The following GPBP1 variants were observed in gnomAD, a reference collection of about 807,000 sequenced individuals.
GPBP1 encodes GC-rich promoter binding protein 1.
In GPBP1, 13 loss-of-function variants were observed where a neutral mutation model predicts 56.5. The ratio of observed to expected loss-of-function variants is 0.23; its 90% CI spans 0.15 to 0.37. The LOEUF is 0.37. Ranked by LOEUF, GPBP1 falls within the 10% of genes least tolerant of loss-of-function variation. The probability of loss-of-function intolerance (pLI) is 1.00; values close to 1 mark genes in which losing one functional copy is unlikely to be tolerated. For synonymous variants in GPBP1, 204 were observed against 188.9 expected, an observed-to-expected ratio of 1.08 and a Z score of -0.66; for missense variants, 477 against 572.3, an observed-to-expected ratio of 0.83 and a Z score of 1.70.
At chr5:57,237,376 G>T (rs1427254246) in intron 6 of GPBP1, 2 of 512,282 alleles carry the variant, frequency 3.9e-6, no homozygotes, top group Non-Finnish European at 7.0e-6. Flanking sequence ...ATCCTGGGTT[G>T]ATTTAATAAT....
intron 6 of GPBP1, among the ~76,000 whole-genome samples, chr5:57,239,917 T>C (rs1314345480): frequency 6.6e-6 from 1 of 152,082 alleles, no homozygotes; most frequent in Non-Finnish European, 1.5e-5. Context: ...GTCTTTGCAT[T>C]TGGTCTGTGT....
At chr5:57,226,417 G>A (rs913365106) in intron 3 of GPBP1, among the ~76,000 whole-genome samples, 3 of 152,094 alleles carry the variant, frequency 2.0e-5, no homozygotes, top group Admixed American at 1.3e-4. Context: ...TTTTGTTCTA[G>A]TCTCTGTCAG....
intron 3 of GPBP1, among the ~76,000 whole-genome samples, chr5:57,230,415 G>A (rs925122947): frequency 6.6e-6 from 1 of 152,128 alleles, no homozygotes; most frequent in African/African-American, 2.4e-5. Context: ...TTGGTTTGGG[G>A]AAGAGGAATA....
chr5:57,251,665 C>T (rs1741400183), intron 10 of GPBP1, among the ~76,000 whole-genome samples: 1 of 147,262 alleles, frequency 6.8e-6, no homozygotes, highest in Admixed American at 6.9e-5. Context: ...TATATAAGTT[C>T]TTGTGTGGAT....
intron 2 of GPBP1, among the ~76,000 whole-genome samples, chr5:57,184,740 AT>A (rs1754210488): frequency 1.3e-5 from 2 of 152,104 alleles, no homozygotes. Context: ...AATATAGAAT[AT>A]TTTCATCACC....
At chr5:57,261,514 A>G (rs1008072245) in intron 11 of GPBP1, among the ~76,000 whole-genome samples, 7 of 152,176 alleles carry the variant, frequency 4.6e-5, no homozygotes, top group African/African-American at 9.7e-5. Flanking sequence ...AACTGGGACT[A>G]CAGGCAGGAA....
At chr5:57,176,692 C>G (rs938929123) in intron 2 of GPBP1, among the ~76,000 whole-genome samples, 1 of 152,144 alleles carries the variant, frequency 6.6e-6, no homozygotes, top group African/African-American at 2.4e-5. Flanking sequence ...TTGCCTTAGG[C>G]TTTGAAGATT....
intron 6 of GPBP1, among the ~76,000 whole-genome samples, chr5:57,243,470 A>C (rs1392797212): frequency 4.0e-5 from 6 of 150,958 alleles, no homozygotes; most frequent in African/African-American, 4.9e-5. Flanking sequence ...TCTGCTACCT[A>C]CTCTTCTGTG....
chr5:57,202,264 C>A (rs1459059936), intron 2 of GPBP1, among the ~76,000 whole-genome samples: 1 of 152,084 alleles, frequency 6.6e-6, no homozygotes, highest in African/African-American at 2.4e-5. Flanking sequence ...GGATTGTAGG[C>A]ATGAACCAGT....
At chr5:57,246,771 C>A (rs1016369995) in intron 7 of GPBP1, among the ~76,000 whole-genome samples, 2 of 151,744 alleles carry the variant, frequency 1.3e-5, no homozygotes, top group Admixed American at 1.3e-4. Flanking sequence ...TGCTGTTTTA[C>A]CTGGTGCTCA....
intron 2 of GPBP1, among the ~76,000 whole-genome samples, chr5:57,180,346 C>T (rs939457396): frequency 6.6e-6 from 1 of 152,026 alleles, no homozygotes; most frequent in Non-Finnish European, 1.5e-5. Flanking sequence ...GAACTCCTGA[C>T]CTCAGGTCAG....
At chr5:57,255,673 T>TA (rs1439956245) in intron 10 of GPBP1, among the ~76,000 whole-genome samples, 8 of 152,268 alleles carry the variant, frequency 5.3e-5, no homozygotes, top group African/African-American at 1.9e-4. Context: ...TGTCACCTAA[T>TA]ATCTTGTCTT....
intron 9 of GPBP1, among the ~76,000 whole-genome samples, chr5:57,250,145 T>G (rs1741313464): frequency 1.3e-5 from 2 of 149,106 alleles, no homozygotes; most frequent in African/African-American, 2.5e-5. Context: ...CTGGCTAATT[T>G]TTGTGTTTTT....
intron 3 of GPBP1, among the ~76,000 whole-genome samples, chr5:57,219,405 C>CAA (rs1200185260): frequency 0.028 from 962 of 33,912 alleles, 40 homozygotes; most frequent in African/African-American, 0.065. Flanking sequence ...AAAAAAAAAC[C>CAA]AAAAACAAAC....
At chr5:57,237,272 A>G in intron 6 of GPBP1, 1 of 835,634 alleles carries the variant, frequency 1.2e-6, no homozygotes, top group South Asian at 1.5e-5. Context: ...GAAATTAGGA[A>G]TAATTTGGAT....
intron 7 of GPBP1, 87 bp downstream of exon 7, chr5:57,246,571 T>C: frequency 9.2e-7 from 1 of 1,090,388 alleles, no homozygotes; most frequent in Non-Finnish European, 1.3e-6. Flanking sequence ...ATTTAAAGTG[T>C]GTATGGAGGT....
chr5:57,257,515 T>C (rs10043162), intron 10 of GPBP1, among the ~76,000 whole-genome samples: 2 of 152,222 alleles, frequency 1.3e-5, no homozygotes, highest in African/African-American at 2.4e-5. Flanking sequence ...ACCAAATTAG[T>C]GGAAGTAAAT....
At chr5:57,234,453 T>TG (rs1756584819) in intron 5 of GPBP1, among the ~76,000 whole-genome samples, 1 of 152,192 alleles carries the variant, frequency 6.6e-6, no homozygotes, top group Non-Finnish European at 1.5e-5. Context: ...CTTTAAGAAT[T>TG]GGGGCTGGGT....
intron 2 of GPBP1, among the ~76,000 whole-genome samples, chr5:57,205,742 C>T (rs1013143786): frequency 4.0e-5 from 6 of 151,512 alleles, no homozygotes; most frequent in African/African-American, 1.5e-4. Flanking sequence ...AGTGCTTTGC[C>T]CATTTTTATT....
Sources: allele counts gnomAD v4.1 joint callset (sites outside exome capture counted in the v4.1 genomes callset), GRCh38; gene constraint gnomAD v4.1.1; transcripts MANE v1.5; gene names NCBI Gene and HGNC (gene_info 2026-07-23, HGNC 2026-07-21).